The following ULK4 variants were observed in gnomAD, a reference collection of about 807,000 sequenced individuals.
The protein encoded by ULK4 is inactive serine/threonine-protein kinase ULK4.
ULK4 carries 133 observed loss-of-function variants against 160.6 expected under a neutral mutation model. The observed-to-expected ratio is 0.83, with a 90% CI of 0.72 to 0.96. The LOEUF (loss-of-function observed/expected upper bound fraction) is 0.96. Ranked by LOEUF, ULK4 falls within the 40% of genes least tolerant of loss-of-function variation. The pLI is 0.00. For missense variants in ULK4, 1,580 were observed against 1,499.5 expected, an observed-to-expected ratio of 1.05 and a Z score of -0.89; for synonymous variants, 534 against 539.8, an observed-to-expected ratio of 0.99 and a Z score of 0.15.
intron 35 of ULK4, among the ~76,000 whole-genome samples, chr3:41,305,156 C>A (rs1364525810): frequency 6.6e-6 from 1 of 151,530 alleles, no homozygotes; most frequent in African/African-American, 2.4e-5. Context: ...GGGTTGCTAA[C>A]TTGGAAGGTG....
intron 21 of ULK4, among the ~76,000 whole-genome samples, chr3:41,770,305 G>T (rs538085252): frequency 3.8e-4 from 58 of 152,098 alleles, no homozygotes; most frequent in African/African-American, 1.3e-3. Flanking sequence ...AATCACTGTT[G>T]TGTTACAGGT....
At chr3:41,922,811 A>C (rs1469542959) in intron 5 of ULK4, among the ~76,000 whole-genome samples, 1 of 152,108 alleles carries the variant, frequency 6.6e-6, no homozygotes, top group Non-Finnish European at 1.5e-5. Context: ...GGGAAAGAAG[A>C]TTAGATGAAA....
intron 5 of ULK4, among the ~76,000 whole-genome samples, chr3:41,928,441 CAAGAG>C (rs1194404929): frequency 3.3e-5 from 5 of 150,080 alleles, no homozygotes; most frequent in Non-Finnish European, 7.4e-5. Flanking sequence ...ATTAAAAGAA[CAAGAG>C]AAGAGCAAAC....
At chr3:41,829,499 C>T (rs1002264625) in intron 18 of ULK4, among the ~76,000 whole-genome samples, 2 of 152,062 alleles carry the variant, frequency 1.3e-5, no homozygotes, top group Non-Finnish European at 2.9e-5. Flanking sequence ...TGAACAGACT[C>T]TTCTCAAAAG....
chr3:41,565,991 A>C (rs749293065), intron 32 of ULK4, 34 bp downstream of exon 32: 2 of 1,569,622 alleles, frequency 1.3e-6, no homozygotes, highest in Non-Finnish European at 1.8e-6. Flanking sequence ...AATAGGCAAA[A>C]CTTGATCAGA....
chr3:41,498,307 G>A lies in ULK4; in HGVS notation c.3227-35054C>T, dbSNP rs181056438. Among the ~76,000 whole-genome samples, 494 of 152,084 alleles carry A rather than the reference G, an allele frequency of 3.2e-3. 2 individuals carry two copies. The highest frequency in any genetic ancestry group is 6.8e-3 in the Middle Eastern group (2 of 292). On this transcript the variant is annotated intron_variant, in intron 32 of 36. Transcript: ENST00000301831. ...GGAACATGTTTCTAAAACACTCATG[G>A]GTCAAAGAAAATAATCACAAGGGAA...
At chr3:41,557,637 G>A (rs560703979) in intron 32 of ULK4, among the ~76,000 whole-genome samples, 142 of 151,254 alleles carry the variant, frequency 9.4e-4, no homozygotes, top group Middle Eastern at 3.4e-3. Context: ...ATGGTGGCAC[G>A]CGCCTGTTGT....
At chr3:41,642,702 C>G (rs553920530) in intron 30 of ULK4, among the ~76,000 whole-genome samples, 1 of 152,152 alleles carries the variant, frequency 6.6e-6, no homozygotes, top group African/African-American at 2.4e-5. Context: ...TGGGTATATA[C>G]CCAGTAATGG....
intron 22 of ULK4, among the ~76,000 whole-genome samples, chr3:41,726,870 A>T (rs1181187628): frequency 6.6e-6 from 1 of 151,458 alleles, no homozygotes; most frequent in Non-Finnish European, 1.5e-5. Context: ...CTGATCTTGA[A>T]CTCCTGACCT....
chr3:41,500,915 G>C (rs926535407), intron 32 of ULK4, among the ~76,000 whole-genome samples: 1 of 152,036 alleles, frequency 6.6e-6, no homozygotes, highest in East Asian at 1.9e-4. Flanking sequence ...TTCTCCAGTA[G>C]GCCTTCATTG....
chr3:41,708,203 A>G (rs2036972394), intron 25 of ULK4, among the ~76,000 whole-genome samples: 1 of 148,750 alleles, frequency 6.7e-6, no homozygotes, highest in Non-Finnish European at 1.5e-5. Context: ...TCCAAAGGAA[A>G]TTAAATCAGT....
chr3:41,817,240 A>G (rs1010556853), intron 19 of ULK4, among the ~76,000 whole-genome samples: 1 of 152,232 alleles, frequency 6.6e-6, no homozygotes, highest in Non-Finnish European at 1.5e-5. Context: ...TTCCATTTAC[A>G]TAGAGTTCAG....
chr3:41,583,672 T>C (rs570243654), intron 31 of ULK4, among the ~76,000 whole-genome samples: 3 of 152,318 alleles, frequency 2.0e-5, no homozygotes, highest in East Asian at 3.9e-4. Context: ...CCTCAGGCCA[T>C]GGCCTCCTCA....
Position 41,625,618 on chromosome 3 carries a change from G to A in ULK4, c.3072-9901C>T, listed in dbSNP as rs527951867. Among the ~76,000 whole-genome samples, 6 of 152,306 alleles carry A rather than the reference G, an allele frequency of 3.9e-5. No homozygotes were observed. The East Asian group carries it at 9.7e-4, about 25-fold the overall frequency. ...TTTCTAGAGAATTATCAGACAACAA[G>A]TATTCAATAATCATAGCAGATCTTA... is the stretch of plus-strand genomic sequence containing the variant. On this transcript the variant is annotated intron_variant, in intron 30 of 36. Coordinates refer to ENST00000301831, the MANE Select transcript of ULK4 (RefSeq NM_017886.4).
At chr3:41,717,997 T>C (rs1162731968) in intron 22 of ULK4, 136 bp from the exon 23 acceptor site, 7 of 1,041,834 alleles carry the variant, frequency 6.7e-6, no homozygotes, top group Non-Finnish European at 7.9e-6. Context: ...TAGCAACTTG[T>C]CGGGCACAAT....
At chr3:41,819,141 G>A (rs2041060671) in intron 19 of ULK4, among the ~76,000 whole-genome samples, 1 of 151,984 alleles carries the variant, frequency 6.6e-6, no homozygotes, top group African/African-American at 2.4e-5. Context: ...GAGTGCGGAG[G>A]GTAATTAAGA....
chr3:41,513,684 G>C (rs1032720230), intron 32 of ULK4, among the ~76,000 whole-genome samples: 3 of 152,174 alleles, frequency 2.0e-5, no homozygotes, highest in African/African-American at 7.2e-5. Context: ...TAGAATTGGA[G>C]ACTATTATTC....
chr3:41,914,558 G>T (rs936054727), intron 8 of ULK4, among the ~76,000 whole-genome samples: 1 of 152,102 alleles, frequency 6.6e-6, no homozygotes, highest in Non-Finnish European at 1.5e-5. Context: ...ATTTCATTTT[G>T]AGAAATTCAC....
At chr3:41,919,149 CA>C (rs1173940170) in intron 6 of ULK4, among the ~76,000 whole-genome samples, 1 of 152,200 alleles carries the variant, frequency 6.6e-6, no homozygotes, top group Non-Finnish European at 1.5e-5. Flanking sequence ...GGCATCTTTA[CA>C]AAAATTTCTA....
Sources: gnomAD v4.1 joint callset for allele counts (sites outside exome capture counted in the v4.1 genomes callset) on GRCh38, gnomAD v4.1.1 for gene constraint, MANE v1.5 for transcripts, NCBI Gene and HGNC (gene_info 2026-07-23, HGNC 2026-07-21) for gene names.